The following NUTM2E variants were observed in gnomAD, a reference collection of about 807,000 sequenced individuals.
NUTM2E encodes the protein NUT family member 2E.
In NUTM2E, 3 loss-of-function variants were observed where a neutral mutation model predicts 26.1. The ratio of observed to expected loss-of-function variants is 0.12; its 90% confidence interval spans 0.05 to 0.30. NUTM2E has a LOEUF of 0.30. Ranked by LOEUF, NUTM2E falls within the 10% of genes least tolerant of loss-of-function variation. NUTM2E has a pLI of 1.00. For synonymous variants in NUTM2E, 13 were observed against 157.5 expected, an observed-to-expected ratio of 0.08 and a Z score of 6.87; for missense variants, 62 against 381.3, an observed-to-expected ratio of 0.16 and a Z score of 6.97.
chr10:79,834,089 T>C (rs1841945269), intron 1 of NUTM2E, among the ~76,000 whole-genome samples: 2 of 151,678 alleles, frequency 1.3e-5, no homozygotes, highest in Admixed American at 6.6e-5. Flanking sequence ...GAAACCATCA[T>C]TATCAGCAAA....
chr10:79,839,551 G>A (rs1298071731), intron 3 of NUTM2E, among the ~76,000 whole-genome samples, 77 bp from the exon 4 acceptor site: 1 of 151,684 alleles, frequency 6.6e-6, no homozygotes, highest in Non-Finnish European at 1.5e-5. Context: ...AACTAGTAGA[G>A]AAGCAACTCA....
chr10:79,845,375 T>C (rs1394146309), intron 5 of NUTM2E, among the ~76,000 whole-genome samples: 1 of 113,368 alleles, frequency 8.8e-6, no homozygotes, highest in East Asian at 2.1e-4. Flanking sequence ...TCTCGGGCCC[T>C]GCACTGGGGC....
chr10:79,845,370 G>T lies in NUTM2E; in HGVS notation c.1082+498G>T, dbSNP rs531111789. On this transcript the variant is annotated intron_variant, in intron 5 of 9. Coordinates refer to ENST00000429984, the MANE Select transcript of NUTM2E (RefSeq NM_001355263.2). ...GAGCCTGCACAGGGGGATGGTCTCG[G>T]GCCCTGCACTGGGGCCGATGCCGGG... Among the ~76,000 whole-genome samples, 753 of 113,448 alleles carry T rather than the reference G, an allele frequency of 6.6e-3. 5 individuals carry two copies. Among genetic ancestry groups the T allele is most frequent in the African/African-American group, 0.02 (721 of 35,592 alleles). 74.4% of individuals were successfully genotyped at this position (113,448 alleles called of 152,430 possible).
Position 79,839,663 on chromosome 10 carries a change from A to G in NUTM2E, c.-2078A>G, listed in dbSNP as rs1301183492. ...ATCTGTCTCCACGTGATAACACTGAAGAGCCTTCACATTGATGCAGGCCCA... is the reference window on the plus strand; with the variant it reads ...ATCTGTCTCCACGTGATAACACTGAGGAGCCTTCACATTGATGCAGGCCCA... On this transcript the variant is annotated 5_prime_UTR_variant, in exon 4 of 10. Transcript: ENST00000429984. Among the ~76,000 whole-genome samples, 1 of 151,946 alleles carries G rather than the reference A, an allele frequency of 6.6e-6. No homozygotes were observed. The highest frequency in any genetic ancestry group is 1.5e-5 in the Non-Finnish European group (1 of 67,992).
chr10:79,827,886 C>T (rs1285520231), intron 1 of NUTM2E, among the ~76,000 whole-genome samples: 7 of 149,968 alleles, frequency 4.7e-5, no homozygotes, highest in African/African-American at 1.7e-4. Flanking sequence ...CTCCGCCTCC[C>T]AAGTTCAAGT....
intron 1 of NUTM2E, among the ~76,000 whole-genome samples, chr10:79,833,165 G>A (rs1589306589): frequency 1.3e-5 from 2 of 151,856 alleles, no homozygotes; most frequent in African/African-American, 4.8e-5. Flanking sequence ...ATGCCCACAT[G>A]TATTACAGTC....
At chr10:79,829,942 A>G (rs2260683) in intron 1 of NUTM2E, among the ~76,000 whole-genome samples, 124,141 of 150,294 alleles carry the variant, frequency 0.83, 51,970 homozygotes, top group East Asian at 0.99. Flanking sequence ...TTTAAAATAC[A>G]TTTATTGTAC....
chr10:79,836,178 T>C (rs1228209147), intron 1 of NUTM2E, among the ~76,000 whole-genome samples: 2 of 151,768 alleles, frequency 1.3e-5, no homozygotes, highest in Non-Finnish European at 2.9e-5. Context: ...TCACCATTTA[T>C]TGTTTTGTAG....
chr10:79,837,665 T>C (rs1043889970), intron 1 of NUTM2E, among the ~76,000 whole-genome samples: 10 of 152,066 alleles, frequency 6.6e-5, no homozygotes, highest in African/African-American at 2.4e-4. Flanking sequence ...CTGCAGTCAT[T>C]ATTTTCTATT....
intron 3 of NUTM2E, among the ~76,000 whole-genome samples, 78 bp downstream of exon 3, chr10:79,839,193 CA>C (rs544335627): frequency 3.0e-4 from 45 of 151,324 alleles, no homozygotes; most frequent in African/African-American, 7.7e-4. Flanking sequence ...TATCCTAAAG[CA>C]AAGTATCCTC....
chr10:79,836,995 A>AGG (rs1564742157), intron 1 of NUTM2E, among the ~76,000 whole-genome samples: 3 of 151,682 alleles, frequency 2.0e-5, no homozygotes, highest in African/African-American at 4.8e-5. Context: ...TTTTAGAAGG[A>AGG]AGAGAAAAAA....
At chr10:79,828,857 G>C (rs1051958889) in intron 1 of NUTM2E, among the ~76,000 whole-genome samples, 9 of 151,764 alleles carry the variant, frequency 5.9e-5, no homozygotes, top group Non-Finnish European at 1.3e-4. Context: ...TTATTTTACT[G>C]TAACTGGGCC....
intron 1 of NUTM2E, among the ~76,000 whole-genome samples, chr10:79,835,116 A>C (rs530205944): frequency 6.8e-6 from 1 of 147,990 alleles, no homozygotes; most frequent in South Asian, 2.2e-4. Flanking sequence ...ATCTCCTGGA[A>C]TCAGCTAATA....
In NUTM2E at chr10:79,845,339, G is replaced by C. The variant is rs1347377111; in HGVS notation, c.1082+467G>C. Reference sequence around the variant, plus strand: ...CCGCTGAGGTCCAGTTAGCACAGCGGTGGTGGAGCCTGCACAGGGGGATGG... The same window carrying C: ...CCGCTGAGGTCCAGTTAGCACAGCGCTGGTGGAGCCTGCACAGGGGGATGG... On this transcript the variant is annotated intron_variant, in intron 5 of 9. Transcript: ENST00000429984. Among the ~76,000 whole-genome samples, 2 of 113,752 alleles carry C rather than the reference G, an allele frequency of 1.8e-5. 1 individual carries two copies. Among genetic ancestry groups the C allele is most frequent in the Admixed American group, 1.7e-4 (2 of 12,082 alleles). The allele number at this position is 113,752 out of a possible 152,430, so 74.6% of individuals were successfully genotyped here. A position where few individuals can be genotyped will look rare whatever the true frequency, so the allele number is the denominator to read the frequency against.
chr10:79,838,896 C>T lies in NUTM2E; in HGVS notation c.-2333C>T, dbSNP rs1186721982. On this transcript the variant is annotated 5_prime_UTR_variant, in exon 3 of 10. Coordinates refer to ENST00000429984, the MANE Select transcript of NUTM2E (RefSeq NM_001355263.2). ...AACTGGCGCTGGGAGCGGTTGAGGG[C>T]GGCCGGCCTCGCGCTGGAACCTCGC... is the stretch of plus-strand genomic sequence containing the variant. 5.3e-4 allele frequency among the ~76,000 whole-genome samples: 80 copies of T among 149,588 alleles called. No homozygotes were observed. The highest frequency in any genetic ancestry group is 1.8e-3 in the African/African-American group (72 of 40,800).
At position 79,827,063 on chromosome 10, in the gene NUTM2E, G is replaced by A. The variant is rs1214053702; in HGVS notation, c.-3022G>A. On this transcript the variant is annotated 5_prime_UTR_variant, in exon 1 of 10. Transcript: ENST00000429984. The stretch of plus-strand genomic sequence containing the variant: ...TTGGATACCAGCCTTAAATCGAGCC[G>A]ACTACGGCCCAGCCCCGCCCGCGGC... 5 of 150,196 alleles carry A rather than the reference G, an allele frequency of 3.3e-5. No homozygotes were observed. Among genetic ancestry groups the A allele is most frequent in the Admixed American group, 2.7e-4 (4 of 15,030 alleles). 9.3% of individuals were successfully genotyped at this position (150,196 alleles called of 1,614,324 possible).
At chr10:79,837,946 A>C (rs1841974057) in intron 1 of NUTM2E, among the ~76,000 whole-genome samples, 1 of 151,678 alleles carries the variant, frequency 6.6e-6, no homozygotes, top group Non-Finnish European at 1.5e-5. Context: ...GGGATCAGAA[A>C]ACAAAACCCC....
intron 1 of NUTM2E, among the ~76,000 whole-genome samples, chr10:79,832,302 CTATG>C (rs894984401): frequency 6.6e-6 from 1 of 151,300 alleles, no homozygotes; most frequent in African/African-American, 2.4e-5. Flanking sequence ...TGGGAGATGT[CTATG>C]TGTGTGTGCA....
chr10:79,826,918 G>T lies in NUTM2E; in HGVS notation c.-3167G>T, dbSNP rs1333506859. The T allele has an allele frequency of 6.6e-6, 1 of 150,852 alleles. No homozygotes were observed. The highest frequency in any genetic ancestry group is 2.4e-5 in the African/African-American group (1 of 41,140). The allele number at this position is 150,852 out of a possible 1,614,324, so 9.3% of individuals were successfully genotyped here. ...CGCAGCTCGGGATCCGGGTCGGGGTGTCGGCCGGGTTGCTGCCGGGCACCG... is the reference window on the plus strand; with the variant it reads ...CGCAGCTCGGGATCCGGGTCGGGGTTTCGGCCGGGTTGCTGCCGGGCACCG... On this transcript the variant is annotated 5_prime_UTR_variant, in exon 1 of 10. Coordinates refer to ENST00000429984, the MANE Select transcript of NUTM2E (RefSeq NM_001355263.2).
Sources: allele counts gnomAD v4.1 joint callset (sites outside exome capture counted in the v4.1 genomes callset), GRCh38; gene constraint gnomAD v4.1.1; transcripts MANE v1.5; gene names NCBI Gene and HGNC (gene_info 2026-07-23, HGNC 2026-07-21).